ZNF138: variants seen among roughly 807,000 people sequenced by gnomAD.
ZNF138 encodes the protein zinc finger protein 138.
In ZNF138, 33 loss-of-function variants were observed where a neutral mutation model predicts 33.0. That is an observed-to-expected ratio of 1.00 (90% CI 0.76 to 1.34). ZNF138 has a LOEUF of 1.34. Among genes scored for constraint, ZNF138 ranks in the 40% most tolerant of loss-of-function variants. The pLI, the probability that ZNF138 is intolerant of heterozygous loss-of-function variation, is 0.00. For missense variants in ZNF138, 360 were observed against 370.8 expected (o/e 0.97, Z 0.24); for synonymous variants, 139 against 120.4 (o/e 1.15, Z -1.01).
chr7:64,845,098 T>G, the ZNF138 span, among the ~76,000 whole-genome samples: 4 of 152,236 alleles, frequency 2.6e-5, no homozygotes, highest in African/African-American at 4.8e-5. Context: ...AACACTCCTC[T>G]CTGAGTCTCC....
intron 3 of ZNF138, among the ~76,000 whole-genome samples, chr7:64,824,320 C>T (rs1789402464): frequency 6.6e-6 from 1 of 152,160 alleles, no homozygotes; most frequent in Non-Finnish European, 1.5e-5. Flanking sequence ...TTACTCTTTG[C>T]CTTCCACCAT....
intron 1 of ZNF138, among the ~76,000 whole-genome samples, chr7:64,807,881 T>C (rs1007712594): frequency 1.3e-5 from 2 of 152,182 alleles, no homozygotes; most frequent in Non-Finnish European, 2.9e-5. Context: ...GGTCACAAGG[T>C]ATCCACAGCC....
At chr7:64,803,839 A>G (rs1243826645) in intron 1 of ZNF138, among the ~76,000 whole-genome samples, 6 of 152,244 alleles carry the variant, frequency 3.9e-5, no homozygotes, top group African/African-American at 7.2e-5. Flanking sequence ...ATTACAGTAG[A>G]TATTAGTATA....
At chr7:64,803,492 G>C (rs1787328921) in intron 1 of ZNF138, among the ~76,000 whole-genome samples, 1 of 152,044 alleles carries the variant, frequency 6.6e-6, no homozygotes, top group African/African-American at 2.4e-5. Context: ...GCAAAAGCGA[G>C]GTTCAGTGTA....
rs563923572 is a variant in ZNF138, at chr7:64,816,047, C to G, written c.208+394C>G. Among the ~76,000 whole-genome samples, 254 of 152,000 alleles carry G rather than the reference C, an allele frequency of 1.7e-3. 1 individual carries two copies. Among genetic ancestry groups the G allele is most frequent in the African/African-American group, 5.9e-3 (245 of 41,460 alleles). On this transcript the variant is annotated intron_variant, in intron 3 of 3. Coordinates refer to ENST00000307355, the MANE Select transcript of ZNF138 (RefSeq NM_001271639.2). ...AAATGTGTGAGTAGTGGTTTCTGTTCCATTGTGGTTTTTTTGTTCATTTTT... is the reference window on the plus strand; with the variant it reads ...AAATGTGTGAGTAGTGGTTTCTGTTGCATTGTGGTTTTTTTGTTCATTTTT...
At chr7:64,826,310 G>A (rs141419520) in intron 3 of ZNF138, among the ~76,000 whole-genome samples, 6,658 of 151,718 alleles carry the variant, frequency 0.044, 210 homozygotes, top group East Asian at 0.15. Context: ...ACAGAGTTTC[G>A]CTCTTGTTGC....
At chr7:64,854,222 AAC>A in the ZNF138 span, among the ~76,000 whole-genome samples, 3 of 152,106 alleles carry the variant, frequency 2.0e-5, no homozygotes, top group Non-Finnish European at 2.9e-5. Context: ...TTGAACTTTA[AAC>A]ACACACACAC....
At chr7:64,821,565 G>A (rs1158241042) in intron 3 of ZNF138, among the ~76,000 whole-genome samples, 3 of 150,720 alleles carry the variant, frequency 2.0e-5, no homozygotes, top group South Asian at 2.1e-4. Flanking sequence ...GTTTGTTTTC[G>A]AGACACAGTC....
the ZNF138 span, among the ~76,000 whole-genome samples, chr7:64,842,618 G>A: frequency 6.6e-6 from 1 of 152,110 alleles, no homozygotes; most frequent in Non-Finnish European, 1.5e-5. Context: ...ATTATTTTGT[G>A]TTACTTTTTA....
intron 1 of ZNF138, among the ~76,000 whole-genome samples, chr7:64,804,361 C>T (rs1249816093): frequency 6.6e-6 from 1 of 152,184 alleles, no homozygotes; most frequent in Non-Finnish European, 1.5e-5. Flanking sequence ...CAATTGATCA[C>T]AGCCTTCTCA....
chr7:64,842,310 C>T, the ZNF138 span, among the ~76,000 whole-genome samples: 3 of 124,938 alleles, frequency 2.4e-5, no homozygotes, highest in Admixed American at 7.7e-5. Context: ...GATCTGCCCT[C>T]CTCTGCCTCC....
chr7:64,828,783 CTT>C (rs61637664), intron 3 of ZNF138, among the ~76,000 whole-genome samples: 44 of 148,720 alleles, frequency 3.0e-4, no homozygotes, highest in South Asian at 6.4e-4. Flanking sequence ...GACATTGTTC[CTT>C]TTTTTTTTTG....
At chr7:64,838,794 G>A in the ZNF138 span, among the ~76,000 whole-genome samples, 2 of 152,138 alleles carry the variant, frequency 1.3e-5, no homozygotes, top group Non-Finnish European at 2.9e-5. Context: ...AGTTAGGTGG[G>A]CAGGGTTAAA....
chr7:64,805,998 G>A (rs1787566740), intron 1 of ZNF138, among the ~76,000 whole-genome samples: 5 of 152,216 alleles, frequency 3.3e-5, no homozygotes. Flanking sequence ...TGTGATGCAT[G>A]TCACATTTGG....
the ZNF138 span, among the ~76,000 whole-genome samples, chr7:64,842,154 C>G: frequency 5.3e-4 from 80 of 152,352 alleles, no homozygotes; most frequent in African/African-American, 1.8e-3. Flanking sequence ...ACCTCCGCCT[C>G]TTGGGTGCAA....
intron 1 of ZNF138, among the ~76,000 whole-genome samples, chr7:64,801,229 C>G (rs1787114078): frequency 6.6e-6 from 1 of 152,024 alleles, no homozygotes; most frequent in South Asian, 2.1e-4. Context: ...CCCCTTGCTT[C>G]TCTCCTTATT....
intron 1 of ZNF138, among the ~76,000 whole-genome samples, chr7:64,809,831 C>G (rs1188611588): frequency 8.3e-6 from 1 of 120,838 alleles, no homozygotes; most frequent in Non-Finnish European, 1.7e-5. Context: ...GGCGGCGGGG[C>G]AGAGGCGCTC....
the ZNF138 span, among the ~76,000 whole-genome samples, chr7:64,840,948 TA>T: frequency 1.3e-5 from 2 of 152,218 alleles, no homozygotes; most frequent in African/African-American, 4.8e-5. Flanking sequence ...TAAGGTGACT[TA>T]TTAACTGAAA....
At chr7:64,804,395 G>A (rs973180019) in intron 1 of ZNF138, among the ~76,000 whole-genome samples, 1 of 152,166 alleles carries the variant, frequency 6.6e-6, no homozygotes, top group Non-Finnish European at 1.5e-5. Flanking sequence ...GGAGTTGTGA[G>A]CCCTTAAAAG....
Sources: gnomAD v4.1 joint callset for allele counts (sites outside exome capture counted in the v4.1 genomes callset) on GRCh38, gnomAD v4.1.1 for gene constraint, MANE v1.5 for transcripts, NCBI Gene and HGNC (gene_info 2026-07-23, HGNC 2026-07-21) for gene names.